Variants in TRIM71 observed in about 807,000 individuals in gnomAD.
TRIM71 encodes tripartite motif containing 71.
In TRIM71, 9 loss-of-function variants were observed where a neutral mutation model predicts 61.2. The ratio of observed to expected loss-of-function variants is 0.15; its 90% CI spans 0.09 to 0.26. The LOEUF (loss-of-function observed/expected upper bound fraction) is 0.26, where lower values mean the gene tolerates loss of function less well. TRIM71 is among the 10% of genes least tolerant of loss of function. TRIM71 has a pLI of 1.00. For missense variants in TRIM71, 998 were observed against 1,238.7 expected (o/e 0.81, Z 2.92); for synonymous variants, 645 against 553.2 (o/e 1.17, Z -2.33).
At chr3:32,828,558 A>G (rs1436802680) in intron 1 of TRIM71, among the ~76,000 whole-genome samples, 1 of 120,200 alleles carries the variant, frequency 8.3e-6, no homozygotes. Flanking sequence ...CCCAGGCTGG[A>G]GTGCAGTGGT....
intron 2 of TRIM71, among the ~76,000 whole-genome samples, chr3:32,874,785 A>T (rs1696836954): frequency 6.6e-6 from 1 of 150,394 alleles, no homozygotes; most frequent in Non-Finnish European, 1.5e-5. Context: ...CAGCCTCCCA[A>T]AGTACTGGGA....
rs373575040 is a variant in TRIM71, at chr3:32,891,306, A to G, written c.2102A>G (p.Asn701Ser). 5.6e-6 allele frequency: 9 copies of G among 1,614,000 alleles called. No homozygotes were observed. Among genetic ancestry groups the G allele is most frequent in the Non-Finnish European group, 3.4e-6 (4 of 1,180,046 alleles). The change falls in exon 4 of 4, where the codon AAC becomes AGC. Residue 701 changes from asparagine to serine, a missense_variant. This residue lies in a region of TRIM71 where 83 missense variants were observed against 202.7 expected (regional missense o/e 0.41). Coordinates refer to ENST00000383763, the MANE Select transcript of TRIM71 (RefSeq NM_001039111.3). The surrounding 1 kb of genome is among the most constrained non-coding windows in gnomAD (Gnocchi z 8.2). ...GEKGTKNGQF[N>S]YPWDVAVNSE... Reference sequence around the variant, plus strand: ...AAAGGAACCAAGAATGGGCAGTTCAACTACCCTTGGGATGTGGCGGTGAAT... The same window carrying G: ...AAAGGAACCAAGAATGGGCAGTTCAGCTACCCTTGGGATGTGGCGGTGAAT...
At chr3:32,828,082 G>T (rs1216794100) in intron 1 of TRIM71, among the ~76,000 whole-genome samples, 1 of 152,064 alleles carries the variant, frequency 6.6e-6, no homozygotes, top group African/African-American at 2.4e-5. Flanking sequence ...TGAATGAGTG[G>T]CATCAGCAGC....
chr3:32,851,147 T>G (rs1275132864), intron 1 of TRIM71, among the ~76,000 whole-genome samples: 1 of 152,222 alleles, frequency 6.6e-6, no homozygotes, highest in Non-Finnish European at 1.5e-5. Flanking sequence ...TTTCTCGGGC[T>G]GTGGGGAAAA....
At chr3:32,884,495 C>T (rs999536551) in intron 2 of TRIM71, among the ~76,000 whole-genome samples, 3 of 149,196 alleles carry the variant, frequency 2.0e-5, no homozygotes, top group Admixed American at 6.7e-5. Flanking sequence ...CCCAGGAGTT[C>T]GAGACCAGCC....
At chr3:32,876,009 G>A (rs1696848618) in intron 2 of TRIM71, among the ~76,000 whole-genome samples, 1 of 152,186 alleles carries the variant, frequency 6.6e-6, no homozygotes, top group African/African-American at 2.4e-5. Flanking sequence ...TTGGAAGTTT[G>A]AGAGACTTTC....
intron 1 of TRIM71, among the ~76,000 whole-genome samples, chr3:32,868,153 A>G (rs1287499626): frequency 6.6e-6 from 1 of 152,036 alleles, no homozygotes; most frequent in African/African-American, 2.4e-5. Flanking sequence ...CTTAACTCCA[A>G]TTCCAACTGT....
chr3:32,843,581 C>T (rs1410357978), intron 1 of TRIM71, among the ~76,000 whole-genome samples: 1 of 152,156 alleles, frequency 6.6e-6, no homozygotes, highest in African/African-American at 2.4e-5. Flanking sequence ...GTCCCCCTCC[C>T]TTTCCCTGCC....
chr3:32,846,540 A>G (rs1696477189), intron 1 of TRIM71, among the ~76,000 whole-genome samples: 2 of 152,194 alleles, frequency 1.3e-5, no homozygotes, highest in South Asian at 2.1e-4. Context: ...TCTGTTCTCA[A>G]TACATCATTA....
rs145170257 is a variant in TRIM71, at chr3:32,860,506, T to C, written c.853-13312T>C. The stretch of plus-strand genomic sequence containing the variant: ...TTTAAATTTGAGGTATTTTGCCTTT[T>C]ATGCCTCATTTCAGTTGCCCTACTC... On this transcript the variant is annotated intron_variant, in intron 1 of 3. Coordinates refer to ENST00000383763, the MANE Select transcript of TRIM71 (RefSeq NM_001039111.3). Among the ~76,000 whole-genome samples, 547 of 137,580 alleles carry C rather than the reference T, an allele frequency of 4.0e-3. 2 individuals carry two copies. The highest frequency in any genetic ancestry group is 9.1e-3 in the South Asian group (33 of 3,614). The allele number at this position is 137,580 out of a possible 152,430, so 90.3% of individuals were successfully genotyped here. A position where few individuals can be genotyped will look rare whatever the true frequency, so the allele number is the denominator to read the frequency against.
At chr3:32,851,056 C>T (rs1696533223) in intron 1 of TRIM71, among the ~76,000 whole-genome samples, 1 of 152,170 alleles carries the variant, frequency 6.6e-6, no homozygotes, top group Admixed American at 6.5e-5. Context: ...ATGGTTCTGT[C>T]AAGCTTTTTA....
intron 1 of TRIM71, among the ~76,000 whole-genome samples, chr3:32,822,040 G>C (rs1383889896): frequency 6.6e-6 from 1 of 152,120 alleles, no homozygotes; most frequent in Non-Finnish European, 1.5e-5. Context: ...TTTTGCTTTT[G>C]GCACATAGAA....
At chr3:32,877,977 G>T (rs947798025) in intron 2 of TRIM71, among the ~76,000 whole-genome samples, 20 of 152,210 alleles carry the variant, frequency 1.3e-4, no homozygotes, top group Non-Finnish European at 4.4e-5. Flanking sequence ...TGCTGCCAAA[G>T]TGAGTACCAC....
chr3:32,853,674 C>T (rs1423751108), intron 1 of TRIM71, among the ~76,000 whole-genome samples: 1 of 152,096 alleles, frequency 6.6e-6, no homozygotes, highest in Non-Finnish European at 1.5e-5. Context: ...TGAGATAGCC[C>T]GTGGTAAGTT....
At chr3:32,835,180 C>T (rs1559538992) in intron 1 of TRIM71, among the ~76,000 whole-genome samples, 1 of 152,102 alleles carries the variant, frequency 6.6e-6, no homozygotes, top group Non-Finnish European at 1.5e-5. Flanking sequence ...GCTGGGTTCC[C>T]GTTATTGGCA....
rs1388106023 is a variant in TRIM71 at position 32,891,892 on chromosome 3, T to G, written c.*81T>G. The G allele has an allele frequency of 1.3e-5, 20 of 1,512,900 alleles. No individual in the cohort carries two copies. Among genetic ancestry groups the G allele is most frequent in the Middle Eastern group, 3.9e-4 (2 of 5,068 alleles). The allele number at this position is 1,512,900 out of a possible 1,614,324, so 93.7% of individuals were successfully genotyped here. A position where few individuals can be genotyped will look rare whatever the true frequency, so the allele number is the denominator to read the frequency against. Reference sequence around the variant, plus strand: ...TCTCTCTTTCTCTTTCTCTCTCTTTTTGAATTTCAAAGAAGAAACAGTCTC... The same window carrying G: ...TCTCTCTTTCTCTTTCTCTCTCTTTGTGAATTTCAAAGAAGAAACAGTCTC... On this transcript the variant is annotated 3_prime_UTR_variant, in exon 4 of 4. Transcript: ENST00000383763. The surrounding 1 kb of genome is among the most constrained non-coding windows in gnomAD (Gnocchi z 8.2).
chr3:32,835,716 T>G (rs1559539113), intron 1 of TRIM71, among the ~76,000 whole-genome samples: 2 of 152,202 alleles, frequency 1.3e-5, no homozygotes, highest in African/African-American at 2.4e-5. Context: ...TTCTTGGGGA[T>G]ATCTTTTATC....
intron 1 of TRIM71, among the ~76,000 whole-genome samples, chr3:32,838,246 G>A (rs372858308): frequency 6.6e-6 from 1 of 151,928 alleles, no homozygotes; most frequent in Non-Finnish European, 1.5e-5. Context: ...TTTTTGAGAC[G>A]GAGTTTCACT....
intron 1 of TRIM71, among the ~76,000 whole-genome samples, chr3:32,832,346 T>C (rs907666792): frequency 5.3e-5 from 8 of 152,142 alleles, no homozygotes; most frequent in Non-Finnish European, 1.2e-4. Context: ...TAGTCCCAGC[T>C]ACTGGAGGAG....
Sources: gnomAD v4.1 joint callset for allele counts (sites outside exome capture counted in the v4.1 genomes callset) on GRCh38, gnomAD v4.1.1 for gene constraint, gnomAD v4.1.1 regional missense constraint, Gnocchi (gnomAD v3.1) non-coding constraint, MANE v1.5 for transcripts, NCBI Gene and HGNC (gene_info 2026-07-23, HGNC 2026-07-21) for gene names.